BTG4: variants seen among roughly 807,000 people sequenced by gnomAD.
BTG4 encodes BTG anti-proliferation factor 4.
A neutral mutation model predicts 19.3 loss-of-function variants in BTG4; 10 were observed. The observed-to-expected ratio is 0.52, with a 90% CI of 0.32 to 0.88. BTG4 has a LOEUF of 0.88. BTG4 is among the 40% of genes least tolerant of loss of function. BTG4 has a pLI of 0.04. For synonymous variants in BTG4, 91 were observed against 95.7 expected (o/e 0.95, Z 0.29); for missense variants, 238 against 281.9 (o/e 0.84, Z 1.11).
chr11:111,393,103 G>C, the BTG4 span, among the ~76,000 whole-genome samples: 1 of 152,158 alleles, frequency 6.6e-6, no homozygotes, highest in Non-Finnish European at 1.5e-5. Context: ...TCAACAATGA[G>C]TGCAAAGATT....
chr11:111,459,848 A>C, the BTG4 span: 1 of 152,482 alleles, frequency 6.6e-6, no homozygotes, highest in Non-Finnish European at 1.5e-5. Context: ...GCTCTGGGAG[A>C]GAAAACCCCC....
chr11:111,397,702 A>C, the BTG4 span: 1 of 152,142 alleles, frequency 6.6e-6, no homozygotes, highest in African/African-American at 2.4e-5. Context: ...TTTCCTTCTT[A>C]CATCCTGAGG....
the BTG4 span, among the ~76,000 whole-genome samples, chr11:111,390,318 A>G: frequency 6.6e-6 from 1 of 152,214 alleles, no homozygotes. Flanking sequence ...AGGATGGAAC[A>G]GTGAACAAGG....
chr11:111,413,462 G>A, the BTG4 span, among the ~76,000 whole-genome samples: 2 of 152,260 alleles, frequency 1.3e-5, no homozygotes, highest in East Asian at 3.8e-4. Context: ...CACACCCAGT[G>A]CTGTGATAGG....
chr11:111,425,603 T>C, the BTG4 span, among the ~76,000 whole-genome samples: 3 of 152,176 alleles, frequency 2.0e-5, no homozygotes, highest in Non-Finnish European at 2.9e-5. Context: ...AAGAAACTAC[T>C]GTAGTAACCC....
the BTG4 span, among the ~76,000 whole-genome samples, chr11:111,435,211 C>T: frequency 1.3e-5 from 2 of 152,204 alleles, no homozygotes; most frequent in Non-Finnish European, 2.9e-5. Flanking sequence ...CTGAGACAGA[C>T]ACCCAGCAAC....
chr11:111,465,329 C>T (rs1287604546), downstream of BTG4, among the ~76,000 whole-genome samples: 1 of 152,190 alleles, frequency 6.6e-6, no homozygotes, highest in Non-Finnish European at 1.5e-5. Flanking sequence ...CCTCCAACTC[C>T]AACCTGCTAC....
intron 1 of BTG4, among the ~76,000 whole-genome samples, chr11:111,501,997 T>C (rs969035321): frequency 5.9e-5 from 9 of 152,190 alleles, no homozygotes; most frequent in African/African-American, 1.9e-4. Flanking sequence ...AAATCCATAG[T>C]ATCTTGTTTG....
At chr11:111,448,151 C>T in the BTG4 span, among the ~76,000 whole-genome samples, 9 of 152,334 alleles carry the variant, frequency 5.9e-5, no homozygotes, top group Non-Finnish European at 4.4e-5. Flanking sequence ...CATGCCTGAG[C>T]ACAGAGAACC....
the BTG4 span, among the ~76,000 whole-genome samples, chr11:111,405,046 G>A: frequency 6.6e-6 from 1 of 152,166 alleles, no homozygotes; most frequent in African/African-American, 2.4e-5. Flanking sequence ...CATGTTTGTA[G>A]TCTGATTTCT....
At chr11:111,425,038 C>T in the BTG4 span, among the ~76,000 whole-genome samples, 3 of 152,096 alleles carry the variant, frequency 2.0e-5, no homozygotes, top group African/African-American at 4.8e-5. Context: ...GTTTAGAAAG[C>T]GGATGAGCAG....
intron 5 of BTG4, among the ~76,000 whole-genome samples, chr11:111,473,806 C>G (rs1162981227): frequency 6.6e-6 from 1 of 152,086 alleles, no homozygotes; most frequent in Non-Finnish European, 1.5e-5. Flanking sequence ...TAGACTTGCC[C>G]CCATTCATCA....
At chr11:111,439,849 C>T in the BTG4 span, among the ~76,000 whole-genome samples, 10 of 152,180 alleles carry the variant, frequency 6.6e-5, no homozygotes, top group Non-Finnish European at 1.5e-4. Context: ...GAGAATGAGC[C>T]ATGATCCTCC....
the BTG4 span, among the ~76,000 whole-genome samples, chr11:111,398,560 T>A: frequency 6.6e-6 from 1 of 152,114 alleles, no homozygotes; most frequent in Non-Finnish European, 1.5e-5. Context: ...TTCACGCCAT[T>A]CTCCTGCCTC....
the BTG4 span, among the ~76,000 whole-genome samples, chr11:111,424,706 CCAA>C: frequency 6.6e-6 from 1 of 152,098 alleles, no homozygotes; most frequent in Non-Finnish European, 1.5e-5. Flanking sequence ...GCCTGTAATC[CCAA>C]CACTTTGAGA....
the BTG4 span, among the ~76,000 whole-genome samples, chr11:111,392,379 G>A: frequency 1.3e-5 from 2 of 151,812 alleles, no homozygotes; most frequent in African/African-American, 2.4e-5. Flanking sequence ...GGGTTTCACC[G>A]TATTAGCCAG....
chr11:111,392,953 A>G, the BTG4 span, among the ~76,000 whole-genome samples: 8 of 152,196 alleles, frequency 5.3e-5, no homozygotes. Context: ...CCATTCTTGC[A>G]ATCACGGATA....
At chr11:111,415,858 T>A in the BTG4 span, 1 of 151,834 alleles carries the variant, frequency 6.6e-6, no homozygotes. Context: ...CTGGACAATA[T>A]AGCAAGACTG....
At chr11:111,389,951 A>T in the BTG4 span, among the ~76,000 whole-genome samples, 1 of 150,522 alleles carries the variant, frequency 6.6e-6, no homozygotes. Flanking sequence ...AGCACTGATC[A>T]TATAGCGAGG....
Sources: gnomAD v4.1 joint callset for allele counts (sites outside exome capture counted in the v4.1 genomes callset) on GRCh38, gnomAD v4.1.1 for gene constraint, MANE v1.5 for transcripts, NCBI Gene and HGNC (gene_info 2026-07-23, HGNC 2026-07-21) for gene names.